The following HEATR5B variants were observed in gnomAD, a reference collection of about 807,000 sequenced individuals.
The protein encoded by HEATR5B is HEAT repeat containing 5B.
In HEATR5B, 156 loss-of-function variants were observed where a neutral mutation model predicts 224.1. The ratio of observed to expected loss-of-function variants is 0.70; its 90% CI spans 0.61 to 0.80. The LOEUF is 0.80. Ranked by LOEUF, HEATR5B falls within the 30% of genes least tolerant of loss-of-function variation. The pLI is 0.00. For missense variants in HEATR5B, 2,323 were observed against 2,535.5 expected (o/e 0.92, Z 1.80); for synonymous variants, 1,027 against 893.0 (o/e 1.15, Z -2.68).
At chr2:37,055,297 T>C (rs899856449) in intron 16 of HEATR5B, among the ~76,000 whole-genome samples, 1 of 152,098 alleles carries the variant, frequency 6.6e-6, no homozygotes, top group African/African-American at 2.4e-5. Context: ...TATATGTTTA[T>C]ATTTTTAATA....
At chr2:37,010,284 T>C (rs1472984992) in intron 27 of HEATR5B, among the ~76,000 whole-genome samples, 1 of 152,174 alleles carries the variant, frequency 6.6e-6, no homozygotes, top group Non-Finnish European at 1.5e-5. Flanking sequence ...ACATCCATTG[T>C]ACCTAACGAG....
In HEATR5B at chr2:37,013,889, C is replaced by A; in HGVS notation, c.4236G>T (p.Glu1412Asp). ...CCAGTTTTTCCATGGTCGTGGCACT[C>A]TCTCGGTACAGCTGGCTGGAAGATC... ...GKGSSSQLYR[E>D]SATTMEKLAV... is the part of the protein sequence containing the mutation. Residue 1412 changes from glutamate to aspartate, a missense_variant, in exon 27 of 36, where the codon GAG becomes GAT. Physicochemically the swap from Glu to Asp is conservative, Grantham distance 45 (BLOSUM62 2). This residue lies in a region of HEATR5B where 844 missense variants were observed against 812.9 expected (regional missense o/e 1.04). Transcript: ENST00000233099. 1.2e-6 allele frequency: 2 copies of A among 1,611,916 alleles called. No homozygotes were observed. Among genetic ancestry groups the A allele is most frequent in the Non-Finnish European group, 1.7e-6 (2 of 1,179,038 alleles).
At chr2:37,060,955 C>T (rs570495919) in intron 11 of HEATR5B, among the ~76,000 whole-genome samples, 2 of 152,186 alleles carry the variant, frequency 1.3e-5, no homozygotes, top group African/African-American at 4.8e-5. Flanking sequence ...CAAAGCATAA[C>T]AAAATTCACC....
chr2:36,985,424 A>T (rs1430193976), intron 35 of HEATR5B, among the ~76,000 whole-genome samples: 2 of 151,596 alleles, frequency 1.3e-5, no homozygotes, highest in African/African-American at 2.4e-5. Context: ...AGTCCATTAA[A>T]AAAATGAAGA....
At chr2:37,049,146 T>C (rs1467196841) in intron 18 of HEATR5B, among the ~76,000 whole-genome samples, 2 of 152,200 alleles carry the variant, frequency 1.3e-5, no homozygotes, top group Non-Finnish European at 1.5e-5. Flanking sequence ...ATGATACTTA[T>C]TTGGGTCTCT....
At chr2:37,076,432 G>C (rs868501319) in intron 4 of HEATR5B, among the ~76,000 whole-genome samples, 3 of 152,096 alleles carry the variant, frequency 2.0e-5, no homozygotes, top group Non-Finnish European at 4.4e-5. Flanking sequence ...TACAAGCCAG[G>C]GAAGATCAAA....
In HEATR5B at chr2:36,990,782, G is replaced by A; in HGVS notation, c.5563C>T (p.Pro1855Ser). 6.3e-7 allele frequency: 1 copy of A among 1,598,858 alleles called. No individual in the cohort carries two copies. Among genetic ancestry groups the A allele is most frequent in the Non-Finnish European group, 8.5e-7 (1 of 1,172,724 alleles). ...YSQPEDSVPT[P>S]DEVSMLTAIA... ...GCTGTTAGCATGCTTACTTCATCAGGTGTAGGTACAGAGTCTTCTGAAAAT... is the reference window on the plus strand; with the variant it reads ...GCTGTTAGCATGCTTACTTCATCAGATGTAGGTACAGAGTCTTCTGAAAAT... Residue 1855 changes from proline to serine, a missense_variant, in exon 34 of 36, where the codon CCT (proline) becomes TCT (serine). By Grantham distance (74) the Pro-to-Ser change is moderately conservative (BLOSUM62 -1). Coordinates refer to ENST00000233099, the MANE Select transcript of HEATR5B (RefSeq NM_019024.3).
At chr2:36,999,263 A>T (rs1187775312) in intron 33 of HEATR5B, among the ~76,000 whole-genome samples, 1 of 152,092 alleles carries the variant, frequency 6.6e-6, no homozygotes, top group Non-Finnish European at 1.5e-5. Context: ...TAATATCAAC[A>T]TGTAGTTCCA....
chr2:37,079,583 C>A lies in HEATR5B; in HGVS notation c.127-252G>T, dbSNP rs572442597. On this transcript the variant is annotated intron_variant, in intron 2 of 35. Transcript: ENST00000233099. ...TAGCTCCAATAAAGTGACTCTGATT[C>A]AAAAAGTTATGAGACCAACTTACTA... Among the ~76,000 whole-genome samples, 23 of 152,242 alleles carry A rather than the reference C, an allele frequency of 1.5e-4. No individual in the cohort carries two copies. In the East Asian group the frequency reaches 2.5e-3, roughly 17 times the overall value.
chr2:36,998,067 ATGTC>A (rs1448573138), intron 33 of HEATR5B, among the ~76,000 whole-genome samples: 26 of 152,162 alleles, frequency 1.7e-4, no homozygotes, highest in Non-Finnish European at 3.2e-4. Context: ...ACATGGATGA[ATGTC>A]TGTTTCAAAG....
intron 24 of HEATR5B, among the ~76,000 whole-genome samples, chr2:37,026,291 G>A (rs1024108573): frequency 1.3e-5 from 2 of 152,178 alleles, no homozygotes; most frequent in African/African-American, 4.8e-5. Context: ...CAGCCCTGCT[G>A]ATGCCTTGAT....
At position 37,007,203 on chromosome 2, in the gene HEATR5B, T is replaced by C; in HGVS notation, c.4624A>G (p.Thr1542Ala). ...GTAGACTCTGAGCACGTAAATCCTG[T>C]GCTATTTAACCAAAGTGCCACCGCA... Reference protein sequence around the residue: ...LHAVALWLNSTGFTCSESTEA... With the variant: ...LHAVALWLNSAGFTCSESTEA... Residue 1542 changes from threonine to alanine, a missense_variant, in exon 29 of 36, where the codon ACA (threonine) becomes GCA (alanine). Transcript: ENST00000233099. 4.3e-6 allele frequency: 7 copies of C among 1,614,108 alleles called. No individual in the cohort carries two copies. Among genetic ancestry groups the C allele is most frequent in the Non-Finnish European group, 5.9e-6 (7 of 1,180,024 alleles).
At chr2:37,062,086 A>T in intron 10 of HEATR5B, 36 bp from the exon 11 acceptor site, 1 of 1,233,512 alleles carries the variant, frequency 8.1e-7, no homozygotes, top group South Asian at 1.2e-5. Context: ...TTTAATTCAA[A>T]CAAGTTAAAT....
At chr2:37,080,078 C>T (rs1188832878) in intron 2 of HEATR5B, among the ~76,000 whole-genome samples, 1 of 152,122 alleles carries the variant, frequency 6.6e-6, no homozygotes, top group African/African-American at 2.4e-5. Flanking sequence ...GCTGAAGGAA[C>T]AAGTATAAAG....
chr2:37,006,780 G>C (rs1037668197), intron 29 of HEATR5B, among the ~76,000 whole-genome samples: 8 of 152,182 alleles, frequency 5.3e-5, no homozygotes, highest in African/African-American at 1.4e-4. Context: ...ACCTGTTGTT[G>C]AATAAAAAAC....
chr2:36,996,457 C>T (rs557036837), intron 33 of HEATR5B, among the ~76,000 whole-genome samples: 1 of 150,036 alleles, frequency 6.7e-6, no homozygotes, highest in South Asian at 2.1e-4. Context: ...TGGAATCTCG[C>T]CCAAGCTTGA....
At position 37,060,633 on chromosome 2, in the gene HEATR5B, G is replaced by T. The variant is rs137865818; in HGVS notation, c.1797C>A (p.Gly599=). 3.7e-6 allele frequency: 6 copies of T among 1,613,802 alleles called. No homozygotes were observed. Among genetic ancestry groups the T allele is most frequent in the South Asian group, 1.1e-5 (1 of 91,052 alleles). Reference sequence around the variant, plus strand: ...AAGTTACCTGCCAGGTAAAAGAATCGCCTCGGGCCTTCTCAGCTTCCAATT... The same window carrying T: ...AAGTTACCTGCCAGGTAAAAGAATCTCCTCGGGCCTTCTCAGCTTCCAATT... ...LKELEAEKAR[G]DSFTWQVTLE... Residue 599 remains glycine (G), a synonymous_variant, in exon 12 of 36, where the codon GGC becomes GGA. Transcript: ENST00000233099.
rs1446742909 is a variant in HEATR5B, at chr2:37,074,163, T to C, written c.597+1322A>G. On this transcript the variant is annotated intron_variant, in intron 5 of 35. Transcript: ENST00000233099. ...GGTGAAACCCCATCTCTACTAAAAA[T>C]ACAAAAAAAATTAGCTGGGCATGGT... is the stretch of plus-strand genomic sequence containing the variant. Among the ~76,000 whole-genome samples the C allele has an allele frequency of 3.3e-5, 5 of 151,386 alleles. No individual in the cohort carries two copies. In the East Asian group the frequency reaches 7.8e-4, roughly 24 times the overall value.
chr2:37,040,261 T>C, intron 20 of HEATR5B, 68 bp downstream of exon 20: 1 of 1,228,294 alleles, frequency 8.1e-7, no homozygotes, highest in Non-Finnish European at 1.2e-6. Flanking sequence ...AATGTGATGG[T>C]GATATTCAGG....
Sources: allele counts gnomAD v4.1 joint callset (sites outside exome capture counted in the v4.1 genomes callset), GRCh38; gene constraint gnomAD v4.1.1; regional missense constraint gnomAD v4.1.1; transcripts MANE v1.5; gene names NCBI Gene and HGNC (gene_info 2026-07-23, HGNC 2026-07-21).